The following LRP1B variants were observed in gnomAD, a reference collection of about 807,000 sequenced individuals.
LRP1B encodes LDL receptor related protein 1B.
A neutral mutation model predicts 556.6 loss-of-function variants in LRP1B; 217 were observed. The observed-to-expected ratio is 0.39, with a 90% CI of 0.35 to 0.44. The LOEUF (loss-of-function observed/expected upper bound fraction) is 0.44. LRP1B is among the 20% of genes least tolerant of loss of function. The pLI is 1.00. For synonymous variants in LRP1B, 2,047 were observed against 1,865.8 expected, an observed-to-expected ratio of 1.10 and a Z score of -2.50; for missense variants, 5,053 against 5,620.8, an observed-to-expected ratio of 0.90 and a Z score of 3.23.
chr2:140,887,868 A>C (rs1393660897), intron 23 of LRP1B, among the ~76,000 whole-genome samples: 1 of 152,154 alleles, frequency 6.6e-6, no homozygotes, highest in Non-Finnish European at 1.5e-5. Context: ...TAGAAAATAG[A>C]TCAGTGGTTT....
At chr2:140,605,577 C>G (rs1682837343) in intron 41 of LRP1B, among the ~76,000 whole-genome samples, 1 of 149,738 alleles carries the variant, frequency 6.7e-6, no homozygotes. Flanking sequence ...TTCTTGCTTG[C>G]TTGCTTCTCT....
chr2:141,169,205 G>T (rs1680389335), intron 7 of LRP1B, among the ~76,000 whole-genome samples: 2 of 151,538 alleles, frequency 1.3e-5, no homozygotes. Flanking sequence ...ACAATCACTG[G>T]AACCTGGGAG....
Position 140,700,321 on chromosome 2 carries a change from T to C in LRP1B, c.6728A>G (p.Tyr2243Cys). ...QRRKGTNRIF[Y>C]SDAHFGNIQL... ...TATATTTCCAAAGTGTGCATCACTG[T>C]AAAAGATTCGGTTGGTACCTTTTCT... is the stretch of plus-strand genomic sequence containing the variant. The change falls in exon 41 of 91, where the codon TAC becomes TGC. Residue 2243 changes from tyrosine to cysteine, a missense_variant. By Grantham distance (194) the Tyr-to-Cys change is radical. Coordinates refer to ENST00000389484, the MANE Select transcript of LRP1B (RefSeq NM_018557.3). 6.2e-7 allele frequency: 1 copy of C among 1,612,748 alleles called. No individual in the cohort carries two copies.
At chr2:140,903,918 C>T (rs528662554) in intron 22 of LRP1B, among the ~76,000 whole-genome samples, 67 of 151,386 alleles carry the variant, frequency 4.4e-4, no homozygotes, top group African/African-American at 1.5e-3. Flanking sequence ...CATATGATTA[C>T]ATATATAATG....
At chr2:140,613,364 A>C (rs114172868) in intron 41 of LRP1B, among the ~76,000 whole-genome samples, 1,898 of 62,422 alleles carry the variant, frequency 0.03, 293 homozygotes, top group East Asian at 0.11. Flanking sequence ...TAATTATATA[A>C]ATATAAATAT....
At chr2:141,425,368 T>C (rs9287317) in intron 3 of LRP1B, among the ~76,000 whole-genome samples, 111,637 of 143,218 alleles carry the variant, frequency 0.78, 43,793 homozygotes, top group East Asian at 0.92. Context: ...TGAATAGTGC[T>C]GCAATAAACA....
chr2:140,502,951 A>G lies in LRP1B; in HGVS notation c.8662+12T>C, dbSNP rs1689260977. 6.2e-7 allele frequency: 1 copy of G among 1,612,328 alleles called. No homozygotes were observed. Among genetic ancestry groups the G allele is most frequent in the African/African-American group, 1.3e-5 (1 of 74,854 alleles). On this transcript the variant is annotated intron_variant, in intron 54 of 90. Coordinates refer to ENST00000389484, the MANE Select transcript of LRP1B (RefSeq NM_018557.3). ...CTTTAGAGTAAATGCGGTATTGTAT[A>G]TATTTCTGTACCTGCACTTTTACAC...
chr2:141,860,901 G>A, intron 1 of LRP1B, among the ~76,000 whole-genome samples: 2 of 152,020 alleles, frequency 1.3e-5, no homozygotes, highest in East Asian at 1.9e-4. Flanking sequence ...GCTGAGCTAG[G>A]ATCGGTCTCT....
intron 2 of LRP1B, among the ~76,000 whole-genome samples, chr2:141,526,006 T>C (rs997108613): frequency 2.0e-5 from 3 of 152,054 alleles, no homozygotes; most frequent in Non-Finnish European, 2.9e-5. Flanking sequence ...AGGTGAATAA[T>C]ATTATCTTCC....
intron 1 of LRP1B, among the ~76,000 whole-genome samples, chr2:142,102,106 T>G (rs921916109): frequency 6.6e-6 from 1 of 151,986 alleles, no homozygotes; most frequent in African/African-American, 2.4e-5. Flanking sequence ...ACGTAGACAT[T>G]GCAAGATCTG....
At chr2:142,043,033 C>A (rs907921804) in intron 1 of LRP1B, among the ~76,000 whole-genome samples, 8 of 151,292 alleles carry the variant, frequency 5.3e-5, no homozygotes, top group African/African-American at 1.9e-4. Flanking sequence ...TTTTATGTAA[C>A]CCAATTTGTG....
rs2104881872 is a variant in LRP1B, at chr2:140,238,267, A to G, written c.13445T>C (p.Ile4482Thr). 1.3e-6 allele frequency: 2 copies of G among 1,557,754 alleles called. No individual in the cohort carries two copies. Among genetic ancestry groups the G allele is most frequent in the Non-Finnish European group, 1.8e-6 (2 of 1,131,792 alleles). Reference protein sequence around the residue: ...RTKTIRRQPIINGGINVEIGN... With the variant: ...RTKTIRRQPITNGGINVEIGN... ...AATTTCTACATTTATTCCTCCATTG[A>G]TAATAGGTTGTCTTCTAATTGTTTT... Residue 4482 changes from isoleucine (I) to threonine (T), a missense_variant, in exon 89 of 91, where the codon ATC (isoleucine) becomes ACC (threonine). By Grantham distance (89) the Ile-to-Thr change is moderately conservative (BLOSUM62 -1). This residue lies in a region of LRP1B where 551 missense variants were observed against 592.0 expected (regional missense o/e 0.93). Coordinates refer to ENST00000389484, the MANE Select transcript of LRP1B (RefSeq NM_018557.3).
chr2:140,367,403 A>G (rs1005537216), intron 71 of LRP1B, among the ~76,000 whole-genome samples: 2 of 151,760 alleles, frequency 1.3e-5, no homozygotes, highest in African/African-American at 4.8e-5. Flanking sequence ...TCTGAGAACC[A>G]CCAAACTAAG....
intron 58 of LRP1B, among the ~76,000 whole-genome samples, chr2:140,486,045 G>C (rs889106567): frequency 1.3e-5 from 2 of 151,884 alleles, no homozygotes; most frequent in Non-Finnish European, 1.5e-5. Flanking sequence ...AGGTAACAAT[G>C]TACACATTCA....
chr2:140,776,626 T>G, intron 32 of LRP1B, among the ~76,000 whole-genome samples: 1 of 152,118 alleles, frequency 6.6e-6, no homozygotes, highest in East Asian at 1.9e-4. Flanking sequence ...TATTTGTAAA[T>G]AAATGGCAAA....
At chr2:140,681,096 T>C (rs1334041021) in intron 41 of LRP1B, among the ~76,000 whole-genome samples, 3 of 152,198 alleles carry the variant, frequency 2.0e-5, no homozygotes, top group African/African-American at 7.2e-5. Flanking sequence ...AACACATTCA[T>C]GATGGGTACC....
intron 25 of LRP1B, among the ~76,000 whole-genome samples, chr2:140,870,731 T>C (rs539027127): frequency 6.6e-6 from 1 of 152,314 alleles, no homozygotes; most frequent in Admixed American, 6.5e-5. Flanking sequence ...TATAGTTTTA[T>C]TATTTTTGAC....
chr2:141,075,594 T>C (rs1384842186), intron 7 of LRP1B, among the ~76,000 whole-genome samples: 1 of 152,154 alleles, frequency 6.6e-6, no homozygotes, highest in Non-Finnish European at 1.5e-5. Flanking sequence ...TTTGATGTAA[T>C]ATATTAGAAT....
At chr2:141,224,052 G>A (rs1683147425) in intron 6 of LRP1B, among the ~76,000 whole-genome samples, 2 of 152,042 alleles carry the variant, frequency 1.3e-5, no homozygotes, top group African/African-American at 4.8e-5. Flanking sequence ...TTAAACTAAA[G>A]AGCTTCTGCA....
Sources: allele counts gnomAD v4.1 joint callset (sites outside exome capture counted in the v4.1 genomes callset), GRCh38; gene constraint gnomAD v4.1.1; regional missense constraint gnomAD v4.1.1; transcripts MANE v1.5; gene names NCBI Gene and HGNC (gene_info 2026-07-23, HGNC 2026-07-21).